ULK4: variants seen among roughly 807,000 people sequenced by gnomAD.
ULK4 encodes unc-51 like kinase 4.
In ULK4, 133 loss-of-function variants were observed where a neutral mutation model predicts 160.6. The ratio of observed to expected loss-of-function variants is 0.83; its 90% CI spans 0.72 to 0.96. The LOEUF is 0.96. Among genes scored for constraint, ULK4 ranks in the 40% least tolerant of loss-of-function variants. The pLI, the probability that ULK4 is intolerant of heterozygous loss-of-function variation, is 0.00. For missense variants in ULK4, 1,580 were observed against 1,499.5 expected (o/e 1.05, Z -0.89); for synonymous variants, 534 against 539.8 (o/e 0.99, Z 0.15).
At chr3:41,411,565 CTACAGGGAT>C (rs1219710586) in intron 34 of ULK4, among the ~76,000 whole-genome samples, 2 of 151,826 alleles carry the variant, frequency 1.3e-5, no homozygotes, top group Admixed American at 1.3e-4. Context: ...GTAGCTGGGA[CTACAGGGAT>C]TACAGGTGCC....
intron 33 of ULK4, among the ~76,000 whole-genome samples, chr3:41,460,781 CTT>C (rs2125876554): frequency 6.6e-6 from 1 of 152,224 alleles, no homozygotes; most frequent in East Asian, 1.9e-4. Context: ...ATGTATGTCA[CTT>C]TACATCTATA....
At chr3:41,255,391 G>A (rs1390310405) in intron 35 of ULK4, among the ~76,000 whole-genome samples, 4 of 152,160 alleles carry the variant, frequency 2.6e-5, no homozygotes, top group Non-Finnish European at 5.9e-5. Flanking sequence ...GCCGAGGCAG[G>A]AGAATCACTT....
chr3:41,255,824 C>T (rs1427985618), intron 35 of ULK4, among the ~76,000 whole-genome samples: 1 of 152,102 alleles, frequency 6.6e-6, no homozygotes, highest in Non-Finnish European at 1.5e-5. Context: ...ATACAGAAAC[C>T]AGAGGGGACA....
At chr3:41,588,540 C>G (rs1298309592) in intron 31 of ULK4, among the ~76,000 whole-genome samples, 1 of 152,126 alleles carries the variant, frequency 6.6e-6, no homozygotes, top group East Asian at 1.9e-4. Context: ...AAGAGAGGCC[C>G]AGGTCTCCTG....
intron 22 of ULK4, among the ~76,000 whole-genome samples, chr3:41,744,987 A>C (rs754235693): frequency 1.4e-4 from 21 of 151,758 alleles, no homozygotes; most frequent in Admixed American, 5.9e-4. Flanking sequence ...GAAGTTTCAA[A>C]GGAAATTAAA....
At chr3:41,424,841 A>G (rs1282919349) in intron 34 of ULK4, among the ~76,000 whole-genome samples, 1 of 150,988 alleles carries the variant, frequency 6.6e-6, no homozygotes, top group Non-Finnish European at 1.5e-5. Flanking sequence ...CAAAAAAAAA[A>G]AAAAAAAAAA....
intron 27 of ULK4, among the ~76,000 whole-genome samples, chr3:41,684,631 C>CA (rs34974484): frequency 6.6e-6 from 1 of 152,190 alleles, no homozygotes; most frequent in Non-Finnish European, 1.5e-5. Context: ...GGTCCCACCC[C>CA]AAGGGGCTTT....
At chr3:41,281,608 T>A (rs2079354422) in intron 35 of ULK4, among the ~76,000 whole-genome samples, 7 of 152,196 alleles carry the variant, frequency 4.6e-5, no homozygotes, top group Admixed American at 2.6e-4. Flanking sequence ...CAGCTCTTCA[T>A]GCTAAAAACT....
At chr3:41,552,926 C>A (rs1222551111) in intron 32 of ULK4, among the ~76,000 whole-genome samples, 1 of 151,970 alleles carries the variant, frequency 6.6e-6, no homozygotes, top group South Asian at 2.1e-4. Flanking sequence ...TGGAGCAGAA[C>A]TGAGATCCCA....
intron 35 of ULK4, among the ~76,000 whole-genome samples, chr3:41,251,827 A>G (rs2078748285): frequency 6.6e-6 from 1 of 152,214 alleles, no homozygotes; most frequent in South Asian, 2.1e-4. Context: ...GTTTTAGGCC[A>G]GATAAAAAAT....
At chr3:41,937,038 A>G (rs1276198150) in intron 3 of ULK4, 1 of 333,636 alleles carries the variant, frequency 3.0e-6, no homozygotes, top group African/African-American at 2.1e-5. Context: ...TAATACACAC[A>G]CATACTATAT....
At chr3:41,793,638 A>T (rs745948699) in intron 20 of ULK4, among the ~76,000 whole-genome samples, 1 of 152,070 alleles carries the variant, frequency 6.6e-6, no homozygotes, top group Admixed American at 6.5e-5. Flanking sequence ...ATACTTCTTC[A>T]CTTTTTGACA....
intron 19 of ULK4, among the ~76,000 whole-genome samples, chr3:41,808,156 A>G (rs2040708143): frequency 6.6e-6 from 1 of 152,112 alleles, no homozygotes; most frequent in Admixed American, 6.6e-5. Context: ...CCTCTATCCT[A>G]GTTCTTACTA....
At chr3:41,525,920 T>C (rs779400540) in intron 32 of ULK4, among the ~76,000 whole-genome samples, 6 of 152,224 alleles carry the variant, frequency 3.9e-5, no homozygotes, top group Non-Finnish European at 8.8e-5. Context: ...TTTGTGTGAC[T>C]ACCTAAAGCC....
chr3:41,305,993 C>T (rs2079913206), intron 35 of ULK4, among the ~76,000 whole-genome samples: 1 of 148,260 alleles, frequency 6.7e-6, no homozygotes, highest in South Asian at 2.1e-4. Flanking sequence ...GCAACCGCCC[C>T]GTCTGAGAAG....
chr3:41,954,221 G>A (rs867052845), intron 2 of ULK4, among the ~76,000 whole-genome samples: 5 of 150,806 alleles, frequency 3.3e-5, no homozygotes, highest in African/African-American at 4.9e-5. Flanking sequence ...TTAGCCAGGC[G>A]TGGTGGTATG....
intron 1 of ULK4, among the ~76,000 whole-genome samples, chr3:41,961,550 A>ACCCCCCCTCC (rs1700669869): frequency 1.6e-5 from 2 of 124,692 alleles, no homozygotes; most frequent in East Asian, 2.1e-4. Flanking sequence ...GTAGTCACTC[A>ACCCCCCCTCC]CCCCCCCCCC....
intron 3 of ULK4, 156 bp downstream of exon 3, chr3:41,937,942 T>G: frequency 2.2e-6 from 1 of 459,038 alleles, no homozygotes; most frequent in Non-Finnish European, 3.6e-6. Flanking sequence ...TAATTCTTCT[T>G]TTTCCCAAAT....
chr3:41,443,454 A>T (rs563562057), intron 34 of ULK4, among the ~76,000 whole-genome samples: 1 of 152,348 alleles, frequency 6.6e-6, no homozygotes, highest in East Asian at 1.9e-4. Context: ...TAGTAAGCAA[A>T]TGCTGACAGA....
Sources: gnomAD v4.1 joint callset for allele counts (sites outside exome capture counted in the v4.1 genomes callset) on GRCh38, gnomAD v4.1.1 for gene constraint, MANE v1.5 for transcripts, NCBI Gene and HGNC (gene_info 2026-07-23, HGNC 2026-07-21) for gene names.